The following ARHGAP8 variants were observed in gnomAD, a reference collection of about 807,000 sequenced individuals.
The protein encoded by ARHGAP8 is Rho GTPase activating protein 8, also known as rho GTPase-activating protein 8.
Under a neutral mutation model 46.1 loss-of-function variants are expected in ARHGAP8, and 62 were observed. The ratio of observed to expected loss-of-function variants is 1.34; its 90% CI spans 1.10 to 1.66. ARHGAP8 has a LOEUF of 1.66. ARHGAP8 is among the 40% of genes most tolerant of loss of function. ARHGAP8 has a pLI of 0.00. For missense variants in ARHGAP8, 923 were observed against 568.4 expected (o/e 1.62, Z -6.34); for synonymous variants, 375 against 243.1 (o/e 1.54, Z -5.05).
intron 2 of ARHGAP8, among the ~76,000 whole-genome samples, chr22:44,789,837 A>C (rs75132805): frequency 6.6e-6 from 1 of 152,040 alleles, no homozygotes; most frequent in Non-Finnish European, 1.5e-5. Flanking sequence ...TGCTTGTCTT[A>C]AAGTCCGATT....
chr22:44,862,362 G>C lies in ARHGAP8; in HGVS notation c.1069G>C (p.Val357Leu), dbSNP rs138849948. Residue 357 changes from valine (V) to leucine (L), a missense_variant, in exon 12 of 12, where the codon GTC (valine) becomes CTC (leucine). Transcript: ENST00000356099. The stretch of plus-strand genomic sequence containing the variant: ...GAATTTGATCTGGCCATCCCAGGGG[G>C]TCTCCTCCCTGAGTGCCCTTGTGCC... ...GLNLIWPSQG[V>L]SSLSALVPLN... 151 of 1,614,112 alleles carry C rather than the reference G, an allele frequency of 9.4e-5. No individual in the cohort carries two copies. In the African/African-American group the frequency reaches 1.7e-3, roughly 19 times the overall value.
At chr22:44,839,843 T>C (rs868123502) in intron 7 of ARHGAP8, among the ~76,000 whole-genome samples, 19 of 152,204 alleles carry the variant, frequency 1.2e-4, no homozygotes, top group African/African-American at 4.3e-4. Flanking sequence ...GTCACACTTC[T>C]CCTGGTGTTT....
intron 11 of ARHGAP8, 145 bp from the exon 12 acceptor site, chr22:44,862,130 C>T (rs187295584): frequency 8.2e-6 from 8 of 972,620 alleles, no homozygotes; most frequent in African/African-American, 4.9e-5. Context: ...CAGGTGGCTG[C>T]ACAGGGTCCC....
At chr22:44,841,765 C>T (rs1931667283) in intron 7 of ARHGAP8, among the ~76,000 whole-genome samples, 2 of 152,164 alleles carry the variant, frequency 1.3e-5, no homozygotes, top group African/African-American at 4.8e-5. Context: ...ATAAGAGTGG[C>T]CACGCCAAAC....
chr22:44,861,420 A>G (rs985071001), intron 11 of ARHGAP8, among the ~76,000 whole-genome samples: 9 of 152,168 alleles, frequency 5.9e-5, no homozygotes, highest in Non-Finnish European at 1.0e-4. Context: ...GGTGGCCTGC[A>G]GTGGGCCTGG....
At chr22:44,834,781 C>T (rs2147139774) in intron 7 of ARHGAP8, among the ~76,000 whole-genome samples, 1 of 152,218 alleles carries the variant, frequency 6.6e-6, no homozygotes, top group East Asian at 1.9e-4. Context: ...TGTTTAGGGG[C>T]TGTATTGTTA....
At chr22:44,779,803 G>A (rs132492) in intron 1 of ARHGAP8, among the ~76,000 whole-genome samples, 132,754 of 151,890 alleles carry the variant, frequency 0.87, 58,073 homozygotes, top group Non-Finnish European at 0.89. Context: ...TCCTGACCCC[G>A]GTTGATCCAC....
chr22:44,801,950 C>T lies in ARHGAP8; in HGVS notation c.80-127C>T, dbSNP rs967912807. ...ATGCTCACTCAGCAGGTGTCGCCTC[C>T]GAGGAACGCTGCTGCCTGTGCCTCC... is the stretch of plus-strand genomic sequence containing the variant. On this transcript the variant is annotated intron_variant, in intron 2 of 11. Coordinates refer to ENST00000356099, the MANE Select transcript of ARHGAP8 (RefSeq NM_181335.3). 7.8e-5 allele frequency: 84 copies of T among 1,075,274 alleles called. No homozygotes were observed. In the African/African-American group the frequency reaches 1.1e-3, roughly 13 times the overall value. The allele number at this position is 1,075,274 out of a possible 1,614,324, so 66.6% of individuals were successfully genotyped here.
chr22:44,797,300 A>G (rs146062384), intron 2 of ARHGAP8, among the ~76,000 whole-genome samples: 1 of 147,130 alleles, frequency 6.8e-6, no homozygotes. Flanking sequence ...TTTCTTCAGT[A>G]GCCTTATAAA....
chr22:44,812,957 G>C (rs1929443281), intron 4 of ARHGAP8, among the ~76,000 whole-genome samples: 1 of 152,008 alleles, frequency 6.6e-6, no homozygotes, highest in African/African-American at 2.4e-5. Context: ...TTGCCCATGT[G>C]GGTGCCGTTT....
intron 1 of ARHGAP8, among the ~76,000 whole-genome samples, chr22:44,754,892 CTG>C (rs1438068490): frequency 2.6e-5 from 4 of 152,134 alleles, no homozygotes; most frequent in African/African-American, 9.7e-5. Context: ...CCTCATTTCA[CTG>C]ATAGGGAAAC....
intron 1 of ARHGAP8, among the ~76,000 whole-genome samples, chr22:44,769,808 C>G (rs1000131781): frequency 1.3e-5 from 2 of 152,192 alleles, no homozygotes; most frequent in African/African-American, 4.8e-5. Context: ...TTCATTGATT[C>G]AAGGCCAGCC....
intron 2 of ARHGAP8, among the ~76,000 whole-genome samples, chr22:44,797,217 C>CTTTTT (rs370851544): frequency 7.8e-6 from 1 of 128,004 alleles, no homozygotes; most frequent in African/African-American, 2.9e-5. Context: ...TGCTACTTGG[C>CTTTTT]TTTTTTTTTT....
At chr22:44,825,653 C>T (rs1202547963) in intron 7 of ARHGAP8, 60 bp downstream of exon 7, 7 of 1,528,960 alleles carry the variant, frequency 4.6e-6, no homozygotes, top group Non-Finnish European at 6.2e-6. Flanking sequence ...CTGTGGGGCG[C>T]TTCTGGGTCC....
intron 11 of ARHGAP8, among the ~76,000 whole-genome samples, chr22:44,861,314 C>T (rs572825608): frequency 1.4e-4 from 21 of 152,264 alleles, no homozygotes; most frequent in East Asian, 7.7e-4. Context: ...TCTCTCTAGC[C>T]GCCACCTCCA....
At chr22:44,796,067 C>T (rs1338705207) in intron 2 of ARHGAP8, among the ~76,000 whole-genome samples, 1 of 152,202 alleles carries the variant, frequency 6.6e-6, no homozygotes, top group Admixed American at 6.5e-5. Flanking sequence ...GACCTCAGTC[C>T]TTGCCCTGGC....
At position 44,770,594 on chromosome 22, in the gene ARHGAP8, C is replaced by T. The variant is rs144185498; in HGVS notation, c.-71-15863C>T. On this transcript the variant is annotated intron_variant, in intron 1 of 11. Coordinates refer to ENST00000356099, the MANE Select transcript of ARHGAP8 (RefSeq NM_181335.3). Reference sequence around the variant, plus strand: ...CTAATTTTTGTATTTTTAGTAGAGACCAGGTTTTACCATGATGCCCAGGCT... The same window carrying T: ...CTAATTTTTGTATTTTTAGTAGAGATCAGGTTTTACCATGATGCCCAGGCT... 8.4e-4 allele frequency among the ~76,000 whole-genome samples: 128 copies of T among 152,106 alleles called. 2 individuals are homozygous for T. In the East Asian group the frequency reaches 0.019, roughly 23 times the overall value.
intron 1 of ARHGAP8, among the ~76,000 whole-genome samples, chr22:44,763,805 T>A (rs1274515042): frequency 0.012 from 1,779 of 147,162 alleles, 18 homozygotes; most frequent in Middle Eastern, 0.017. Flanking sequence ...TTCTTTTCTT[T>A]TTTTTTTTTT....
In ARHGAP8 at chr22:44,756,878, G is replaced by A. The variant is rs553266042; in HGVS notation, c.-72+4251G>A. ...GAATCCATCCCTCACTTTTTTTTCC[G>A]CATTACTGCAATACTATTATGTTTA... On this transcript the variant is annotated intron_variant, in intron 1 of 11. Coordinates refer to ENST00000356099, the MANE Select transcript of ARHGAP8 (RefSeq NM_181335.3). Among the ~76,000 whole-genome samples, 6 of 151,438 alleles carry A rather than the reference G, an allele frequency of 4.0e-5. No individual in the cohort carries two copies. The South Asian group carries it at 8.4e-4, about 21-fold the overall frequency.
Sources: allele counts gnomAD v4.1 joint callset (sites outside exome capture counted in the v4.1 genomes callset), GRCh38; gene constraint gnomAD v4.1.1; transcripts MANE v1.5; gene names NCBI Gene and HGNC (gene_info 2026-07-23, HGNC 2026-07-21).